NEGR1: variants seen among roughly 807,000 people sequenced by gnomAD.
The protein encoded by NEGR1 is IgLON family member 4.
A neutral mutation model predicts 40.9 loss-of-function variants in NEGR1; 10 were observed. The observed-to-expected ratio is 0.24, with a 90% CI of 0.15 to 0.42. The LOEUF (loss-of-function observed/expected upper bound fraction) is 0.42, where lower values mean the gene tolerates loss of function less well. Ranked by LOEUF, NEGR1 falls within the 10% of genes least tolerant of loss-of-function variation. NEGR1 has a pLI of 1.00. For synonymous variants in NEGR1, 185 were observed against 166.8 expected (o/e 1.11, Z -0.84); for missense variants, 352 against 438.9 (o/e 0.80, Z 1.77).
chr1:72,044,248 A>C (rs556998805), intron 1 of NEGR1, among the ~76,000 whole-genome samples: 1 of 151,580 alleles, frequency 6.6e-6, no homozygotes, highest in East Asian at 1.9e-4. Context: ...AAGTTGAGAA[A>C]TTCCTACCAA....
chr1:71,870,146 C>T (rs34391683), intron 2 of NEGR1, among the ~76,000 whole-genome samples: 3 of 152,072 alleles, frequency 2.0e-5, no homozygotes, highest in East Asian at 3.9e-4. Context: ...TCCCAAAGTG[C>T]TAGGATTACA....
intron 1 of NEGR1, among the ~76,000 whole-genome samples, chr1:72,053,226 T>C (rs1647077920): frequency 6.6e-6 from 1 of 151,238 alleles, no homozygotes; most frequent in South Asian, 2.1e-4. Flanking sequence ...GATTTTTTTT[T>C]AGGAGCCTGT....
Position 71,592,827 on chromosome 1 carries a change from C to T in NEGR1, c.930G>A (p.Leu310=), listed in dbSNP as rs781564483. 10 of 1,612,366 alleles carry T rather than the reference C, an allele frequency of 6.2e-6. No homozygotes were observed. The highest frequency in any genetic ancestry group is 8.5e-6 in the Non-Finnish European group (10 of 1,178,732). ...ANKLGTTNAS[L]PLNPPSTAQY... ...CATTGCATTACTTACGGTTAAGAGG[C>T]AGGCTCGCATTGGTTGTGCCTAGCT... Residue 310 remains leucine, a synonymous_variant, in exon 6 of 7, where the codon CTG becomes CTA. Coordinates refer to ENST00000357731, the MANE Select transcript of NEGR1 (RefSeq NM_173808.3).
intron 2 of NEGR1, among the ~76,000 whole-genome samples, chr1:71,879,425 A>T (rs973684557): frequency 6.6e-6 from 1 of 152,216 alleles, no homozygotes; most frequent in African/African-American, 2.4e-5. Flanking sequence ...CAAGAAAACA[A>T]TACATGCCAG....
chr1:71,581,741 C>T (rs1404176232), intron 6 of NEGR1, among the ~76,000 whole-genome samples: 2 of 151,142 alleles, frequency 1.3e-5, no homozygotes, highest in Admixed American at 6.6e-5. Context: ...CTCACTCTGC[C>T]GTCCAGGCTG....
chr1:72,253,894 A>T (rs950879199), intron 1 of NEGR1, among the ~76,000 whole-genome samples: 22 of 152,366 alleles, frequency 1.4e-4, no homozygotes, highest in African/African-American at 5.0e-4. Context: ...ACACTAACTG[A>T]AGCTGAAACG....
intron 6 of NEGR1, among the ~76,000 whole-genome samples, chr1:71,579,622 T>G (rs1274280079): frequency 1.4e-5 from 2 of 145,238 alleles, no homozygotes; most frequent in Non-Finnish European, 3.0e-5. Context: ...TTTTTTTTTG[T>G]AGTGGAGAGG....
intron 1 of NEGR1, among the ~76,000 whole-genome samples, chr1:72,082,181 T>C (rs1234620988): frequency 3.3e-5 from 5 of 152,086 alleles, no homozygotes; most frequent in African/African-American, 1.2e-4. Flanking sequence ...TAAGAGTTTA[T>C]TTGAACAGCA....
At chr1:72,154,708 G>A (rs1428840629) in intron 1 of NEGR1, among the ~76,000 whole-genome samples, 2 of 151,924 alleles carry the variant, frequency 1.3e-5, no homozygotes, top group African/African-American at 4.8e-5. Flanking sequence ...TCTTAAGATC[G>A]TACATACCTT....
chr1:71,761,652 C>T (rs1009822697), intron 3 of NEGR1, among the ~76,000 whole-genome samples: 1 of 151,976 alleles, frequency 6.6e-6, no homozygotes, highest in Non-Finnish European at 1.5e-5. Flanking sequence ...TTTAAGGCTC[C>T]CTCAATGTTA....
intron 2 of NEGR1, among the ~76,000 whole-genome samples, chr1:71,898,964 C>CATATATATATATAGCATATATAT (rs1661058598): frequency 1.0e-5 from 1 of 95,938 alleles, no homozygotes; most frequent in African/African-American, 5.2e-5. Flanking sequence ...ATATATATAG[C>CATATATATATATAGCATATATAT]ATATATATAT....
At chr1:71,723,811 T>A (rs1451865425) in intron 3 of NEGR1, among the ~76,000 whole-genome samples, 1 of 152,066 alleles carries the variant, frequency 6.6e-6, no homozygotes, top group Non-Finnish European at 1.5e-5. Context: ...TGTCCTCGGA[T>A]TTGTAATTGG....
At chr1:72,169,662 T>C (rs1322041491) in intron 1 of NEGR1, among the ~76,000 whole-genome samples, 1 of 152,106 alleles carries the variant, frequency 6.6e-6, no homozygotes, top group Non-Finnish European at 1.5e-5. Context: ...TCTGAAAAGG[T>C]TTTTATGTGA....
At chr1:71,731,471 C>T (rs926984309) in intron 3 of NEGR1, among the ~76,000 whole-genome samples, 3 of 152,028 alleles carry the variant, frequency 2.0e-5, no homozygotes, top group African/African-American at 7.2e-5. Flanking sequence ...AAAGGCAGAG[C>T]CAATGTAAGG....
At chr1:72,260,985 A>G (rs1655434925) in intron 1 of NEGR1, among the ~76,000 whole-genome samples, 2 of 152,082 alleles carry the variant, frequency 1.3e-5, no homozygotes, top group South Asian at 4.1e-4. Flanking sequence ...TTCTAGATAT[A>G]GTTATGGCTT....
intron 1 of NEGR1, among the ~76,000 whole-genome samples, chr1:72,202,977 A>C (rs1290429624): frequency 6.6e-6 from 1 of 152,010 alleles, no homozygotes; most frequent in African/African-American, 2.4e-5. Context: ...CAGAAAAAAA[A>C]ATCGTTTTAA....
intron 4 of NEGR1, among the ~76,000 whole-genome samples, chr1:71,622,760 G>A (rs189570694): frequency 9.9e-5 from 15 of 151,928 alleles, no homozygotes; most frequent in Admixed American, 6.6e-4. Context: ...GGTAATAGAT[G>A]AGGATAGCAT....
At chr1:72,069,879 C>G (rs1472494564) in intron 1 of NEGR1, among the ~76,000 whole-genome samples, 4 of 152,074 alleles carry the variant, frequency 2.6e-5, no homozygotes, top group Admixed American at 1.3e-4. Context: ...GCAGTTTTGA[C>G]AGTGTAATTC....
chr1:71,445,942 T>G (rs893551105), intron 6 of NEGR1, among the ~76,000 whole-genome samples: 5 of 152,230 alleles, frequency 3.3e-5, no homozygotes, highest in Non-Finnish European at 7.3e-5. Flanking sequence ...ATGAAGAGAC[T>G]ATAACATGTC....
Sources: allele counts gnomAD v4.1 joint callset (sites outside exome capture counted in the v4.1 genomes callset), GRCh38; gene constraint gnomAD v4.1.1; transcripts MANE v1.5; gene names NCBI Gene and HGNC (gene_info 2026-07-23, HGNC 2026-07-21).